Variants in CCDC66 observed in about 807,000 individuals in gnomAD.
The protein encoded by CCDC66 is coiled-coil domain-containing protein 66.
CCDC66 carries 133 observed loss-of-function variants against 128.3 expected under a neutral mutation model. That is an observed-to-expected ratio of 1.04 (90% CI 0.90 to 1.20). The LOEUF (loss-of-function observed/expected upper bound fraction) is 1.20, where lower values mean the gene tolerates loss of function less well. Among genes scored for constraint, CCDC66 ranks in the 50% most tolerant of loss-of-function variants. The pLI, the probability that CCDC66 is intolerant of heterozygous loss-of-function variation, is 0.00. For synonymous variants in CCDC66, 387 were observed against 357.0 expected, an observed-to-expected ratio of 1.08 and a Z score of -0.95; for missense variants, 1,126 against 1,075.5, an observed-to-expected ratio of 1.05 and a Z score of -0.66.
intron 1 of CCDC66, among the ~76,000 whole-genome samples, chr3:56,558,474 C>G (rs1260241641): frequency 1.3e-5 from 2 of 152,170 alleles, no homozygotes; most frequent in Non-Finnish European, 2.9e-5. Context: ...GTCATGAGTT[C>G]ATTATGAAAC....
intron 13 of CCDC66, 163 bp from the exon 14 acceptor site, chr3:56,616,949 G>C: frequency 2.0e-6 from 1 of 490,204 alleles, no homozygotes; most frequent in Non-Finnish European, 3.5e-6. Context: ...GTGGTTGGGA[G>C]TATGTGGTTG....
intron 7 of CCDC66, among the ~76,000 whole-genome samples, chr3:56,581,177 C>G (rs533609167): frequency 6.6e-6 from 1 of 151,940 alleles, no homozygotes; most frequent in Non-Finnish European, 1.5e-5. Context: ...CACTGATACC[C>G]TTTCTTCCAC....
chr3:56,562,337 A>G (rs2065214516), intron 3 of CCDC66, among the ~76,000 whole-genome samples: 1 of 152,186 alleles, frequency 6.6e-6, no homozygotes, highest in Non-Finnish European at 1.5e-5. Flanking sequence ...GGTGTGAGCC[A>G]CTGTGCCCAG....
At chr3:56,609,745 C>T (rs1204611675) in intron 10 of CCDC66, among the ~76,000 whole-genome samples, 3 of 152,112 alleles carry the variant, frequency 2.0e-5, no homozygotes, top group African/African-American at 7.2e-5. Flanking sequence ...GGATTTGTTT[C>T]AAGATTTAGA....
rs35527957 is a variant in CCDC66 at position 56,596,758 on chromosome 3, A to AT, written c.1404+2750dup. ...CATTTAACTATTTAATCCATCTTGAATTTTTTTTTTTTTTTTTTTTGAAGT... is the reference window on the plus strand; with the variant it reads ...CATTTAACTATTTAATCCATCTTGAATTTTTTTTTTTTTTTTTTTTTGAAGT... On this transcript the variant is annotated intron_variant, in intron 10 of 17. Transcript: ENST00000394672. 7.2e-3 allele frequency among the ~76,000 whole-genome samples: 700 copies of AT among 96,848 alleles called. 13 individuals are homozygous for AT. Among genetic ancestry groups the AT allele is most frequent in the South Asian group, 0.05 (169 of 3,366 alleles). 63.5% of individuals were successfully genotyped at this position (96,848 alleles called of 152,430 possible).
intron 3 of CCDC66, chr3:56,561,265 G>C (rs755815917): frequency 1.5e-5 from 7 of 456,440 alleles, no homozygotes; most frequent in East Asian, 1.4e-4. Context: ...AGGCTGATTT[G>C]TTATAGAAGC....
intron 17 of CCDC66, 73 bp downstream of exon 17, chr3:56,619,974 GTTTGT>G (rs58253771): frequency 0.28 from 422,708 of 1,511,824 alleles, 62,606 homozygotes; most frequent in Admixed American, 0.48. Flanking sequence ...CTGTTGAACG[GTTTGT>G]TTTAAGTTAC....
intron 6 of CCDC66, among the ~76,000 whole-genome samples, chr3:56,568,914 A>C (rs1471751238): frequency 2.6e-5 from 4 of 152,214 alleles, no homozygotes; most frequent in Non-Finnish European, 5.9e-5. Context: ...CAATCTGCAA[A>C]ACATGTGACG....
intron 16 of CCDC66, 60 bp from the exon 17 acceptor site, chr3:56,619,717 A>G: frequency 2.5e-6 from 4 of 1,591,118 alleles, no homozygotes; most frequent in East Asian, 4.5e-5. Context: ...ATTATATAGC[A>G]CAGGGCTATG....
rs1410304132 is a variant in CCDC66 at position 56,567,002 on chromosome 3, T to C, written c.763T>C (p.Cys255Arg). 7 of 1,614,130 alleles carry C rather than the reference T, an allele frequency of 4.3e-6. No homozygotes were observed. Among genetic ancestry groups the C allele is most frequent in the Non-Finnish European group, 5.9e-6 (7 of 1,180,004 alleles). Residue 255 changes from cysteine (C) to arginine (R), a missense_variant, in exon 6 of 18, where the codon TGT (cysteine) becomes CGT (arginine). Coordinates refer to ENST00000394672, the MANE Select transcript of CCDC66 (RefSeq NM_001141947.3). ...ATTCAGTACTCTGGGGGAAAGGGAATGTGATAGAAGTTCGTTGGAAGCAAA... is the reference window on the plus strand; with the variant it reads ...ATTCAGTACTCTGGGGGAAAGGGAACGTGATAGAAGTTCGTTGGAAGCAAA... ...DIFSTLGERE[C>R]DRSSLEAKKA... is the part of the protein sequence containing the mutation.
intron 10 of CCDC66, among the ~76,000 whole-genome samples, chr3:56,602,314 T>C (rs750964326): frequency 8.5e-5 from 13 of 152,152 alleles, no homozygotes; most frequent in South Asian, 2.1e-4. Flanking sequence ...ATCCCAGATA[T>C]GAAGCCAACT....
chr3:56,619,930 C>G, intron 17 of CCDC66, 29 bp downstream of exon 17: 1 of 1,605,638 alleles, frequency 6.2e-7, no homozygotes. Flanking sequence ...GTAGATATGT[C>G]TGTTCTTTAT....
At position 56,593,975 on chromosome 3, in the gene CCDC66, C is replaced by T. The variant is rs375034029; in HGVS notation, c.1351C>T (p.Pro451Ser). 4 of 1,613,966 alleles carry T rather than the reference C, an allele frequency of 2.5e-6. No individual in the cohort carries two copies. Among genetic ancestry groups the T allele is most frequent in the South Asian group, 2.2e-5 (2 of 91,076 alleles). The stretch of plus-strand genomic sequence containing the variant: ...CCGTTCTATGACTGCTCTCTTGGAC[C>T]CAGCTCAGATTGAGGAACGAGACAG... ...FLRSMTALLD[P>S]AQIEERDRRR... Residue 451 changes from proline to serine, a missense_variant, in exon 10 of 18, where the codon CCA becomes TCA. Physicochemically the swap from Pro to Ser is moderately conservative, Grantham distance 74 (BLOSUM62 -1). Transcript: ENST00000394672.
At position 56,610,172 on chromosome 3, in the gene CCDC66, C is replaced by T. The variant is rs557005605; in HGVS notation, c.1405-3417C>T. On this transcript the variant is annotated intron_variant, in intron 10 of 17. Transcript: ENST00000394672. ...CAATTATTCCCCTAAATATGTTTTG[C>T]AAGCTTTTAGAATTGTCTTCTCCCT... Among the ~76,000 whole-genome samples, 9 of 152,304 alleles carry T rather than the reference C, an allele frequency of 5.9e-5. No homozygotes were observed. The South Asian group carries it at 1.2e-3, about 21-fold the overall frequency.
intron 7 of CCDC66, among the ~76,000 whole-genome samples, chr3:56,576,605 G>A (rs1020275453): frequency 7.7e-6 from 1 of 130,312 alleles, no homozygotes; most frequent in Non-Finnish European, 1.5e-5. Flanking sequence ...CCCACCCTGT[G>A]TCCAAGTGTT....
chr3:56,621,465 G>GT (rs1228288922), intron 17 of CCDC66, 67 bp from the exon 18 acceptor site: 1 of 1,073,784 alleles, frequency 9.3e-7, no homozygotes, highest in Non-Finnish European at 1.3e-6. Context: ...TATAATTCTA[G>GT]TTTAACACAA....
chr3:56,613,669 A>C lies in CCDC66; in HGVS notation c.1485A>C (p.Glu495Asp). 6.2e-7 allele frequency: 1 copy of C among 1,614,154 alleles called. No individual in the cohort carries two copies. Among genetic ancestry groups the C allele is most frequent in the South Asian group, 1.1e-5 (1 of 91,074 alleles). ...EEEQRKKEEQEEELRLAQERE... is the reference protein window; with the variant it reads ...EEEQRKKEEQDEELRLAQERE... ...AGCAAAGAAAGAAGGAAGAACAAGAAGAGGAGCTTCGCTTAGCACAGGAAC... is the reference window on the plus strand; with the variant it reads ...AGCAAAGAAAGAAGGAAGAACAAGACGAGGAGCTTCGCTTAGCACAGGAAC... The change falls in exon 11 of 18, where the codon GAA (glutamate) becomes GAC (aspartate). Residue 495 changes from glutamate (E) to aspartate (D), a missense_variant. Coordinates refer to ENST00000394672, the MANE Select transcript of CCDC66 (RefSeq NM_001141947.3).
At chr3:56,606,529 G>A (rs2074092488) in intron 10 of CCDC66, among the ~76,000 whole-genome samples, 1 of 151,926 alleles carries the variant, frequency 6.6e-6, no homozygotes, top group Non-Finnish European at 1.5e-5. Context: ...CTTGGGTAGG[G>A]AAGAGATTTC....
At chr3:56,615,316 T>A in intron 12 of CCDC66, 44 bp downstream of exon 12, 2 of 1,536,140 alleles carry the variant, frequency 1.3e-6, no homozygotes, top group Non-Finnish European at 1.8e-6. Context: ...TTTTAGAAGA[T>A]GATTTTAAAT....
Sources: allele counts gnomAD v4.1 joint callset (sites outside exome capture counted in the v4.1 genomes callset), GRCh38; gene constraint gnomAD v4.1.1; transcripts MANE v1.5; gene names NCBI Gene and HGNC (gene_info 2026-07-23, HGNC 2026-07-21).